Variants in SLC22A2 observed in about 807,000 individuals in gnomAD.
SLC22A2 encodes the protein solute carrier family 22 member 2, also known as organic cation transporter 2.
A neutral mutation model predicts 60.5 loss-of-function variants in SLC22A2; 46 were observed. The observed-to-expected ratio is 0.76, with a 90% CI of 0.60 to 0.97. SLC22A2 has a LOEUF of 0.97. Among genes scored for constraint, SLC22A2 ranks in the 50% least tolerant of loss-of-function variants. The probability of loss-of-function intolerance (pLI) is 0.00; values close to 1 mark genes in which losing one functional copy is unlikely to be tolerated. For synonymous variants in SLC22A2, 303 were observed against 267.0 expected (o/e 1.13, Z -1.31); for missense variants, 701 against 706.6 (o/e 0.99, Z 0.09).
At chr6:160,241,206 G>A (rs1782994963) in intron 9 of SLC22A2, among the ~76,000 whole-genome samples, 1 of 151,990 alleles carries the variant, frequency 6.6e-6, no homozygotes, top group Admixed American at 6.5e-5. Flanking sequence ...TGCCTCTATG[G>A]CAGGAGTCCC....
At chr6:160,235,662 A>C (rs1421173956) in intron 9 of SLC22A2, among the ~76,000 whole-genome samples, 1 of 151,378 alleles carries the variant, frequency 6.6e-6, no homozygotes, top group Non-Finnish European at 1.5e-5. Flanking sequence ...ATTGAACATT[A>C]GGATAAAAGC....
At chr6:160,231,978 G>A (rs1462146995) in intron 9 of SLC22A2, among the ~76,000 whole-genome samples, 1 of 152,066 alleles carries the variant, frequency 6.6e-6, no homozygotes, top group Admixed American at 6.5e-5. Flanking sequence ...TAGCCCTCAT[G>A]TCTGTGTGTG....
chr6:160,224,551 C>T (rs921907980), intron 10 of SLC22A2, among the ~76,000 whole-genome samples, 154 bp downstream of exon 10: 7 of 152,180 alleles, frequency 4.6e-5, no homozygotes, highest in African/African-American at 1.7e-4. Flanking sequence ...TGTAATTTTA[C>T]TAATTTTTTT....
At chr6:160,258,225 C>T (rs570087630) in intron 1 of SLC22A2, 119 bp downstream of exon 1, 6 of 1,150,726 alleles carry the variant, frequency 5.2e-6, no homozygotes, top group South Asian at 3.0e-5. Flanking sequence ...TTGTAAGATA[C>T]ATGCAGGCCA....
At chr6:160,227,365 G>A (rs1348750601) in intron 9 of SLC22A2, among the ~76,000 whole-genome samples, 1 of 152,170 alleles carries the variant, frequency 6.6e-6, no homozygotes, top group East Asian at 1.9e-4. Context: ...ACTCTTTCAA[G>A]CAATTGCCAA....
intron 6 of SLC22A2, 178 bp downstream of exon 6, chr6:160,245,261 C>T (rs1356332301): frequency 1.0e-5 from 5 of 483,800 alleles, no homozygotes; most frequent in Non-Finnish European, 1.1e-5. Flanking sequence ...GGGGCTACAC[C>T]GATCTTAATA....
chr6:160,222,492 C>T (rs1583388926), intron 10 of SLC22A2, among the ~76,000 whole-genome samples: 1 of 152,210 alleles, frequency 6.6e-6, no homozygotes, highest in East Asian at 1.9e-4. Context: ...GAAGGAACTT[C>T]AGCATTTATT....
chr6:160,250,755 A>G, intron 2 of SLC22A2, 53 bp from the exon 3 acceptor site: 1 of 1,554,334 alleles, frequency 6.4e-7, no homozygotes, highest in Non-Finnish European at 8.9e-7. Context: ...ATTTGTGAAG[A>G]TTGTGGAAAA....
In SLC22A2 at chr6:160,256,800, AG is replaced by A. The variant is rs564665888; in HGVS notation, c.415-84del. On this transcript the variant is annotated intron_variant, in intron 1 of 10. Coordinates refer to ENST00000366953, the MANE Select transcript of SLC22A2 (RefSeq NM_003058.4). The stretch of plus-strand genomic sequence containing the variant: ...GAATCCTGTTGGACATAACTCAGCT[AG>A]GGTACTCATTAAATATTCCTTGAAT... 9.8e-5 allele frequency: 87 copies of A among 888,890 alleles called. No homozygotes were observed. The African/African-American group carries it at 1.4e-3, about 14-fold the overall frequency. 55.1% of individuals were successfully genotyped at this position (888,890 alleles called of 1,614,324 possible). A position where few individuals can be genotyped will look rare whatever the true frequency, so the allele number is the denominator to read the frequency against.
At chr6:160,246,632 G>C (rs1257960032) in intron 5 of SLC22A2, among the ~76,000 whole-genome samples, 2 of 152,072 alleles carry the variant, frequency 1.3e-5, no homozygotes, top group Non-Finnish European at 2.9e-5. Context: ...CTGTAATTCT[G>C]GCTACTAGGG....
At chr6:160,231,683 A>G (rs773414925) in intron 9 of SLC22A2, among the ~76,000 whole-genome samples, 1 of 151,660 alleles carries the variant, frequency 6.6e-6, no homozygotes, top group Non-Finnish European at 1.5e-5. Context: ...GAGGTGCCAA[A>G]CCCATATACT....
intron 9 of SLC22A2, among the ~76,000 whole-genome samples, chr6:160,225,502 T>A (rs1782708927): frequency 6.6e-6 from 1 of 152,122 alleles, no homozygotes; most frequent in Admixed American, 6.6e-5. Flanking sequence ...TTTTACACCC[T>A]CAGAAAATGG....
chr6:160,227,961 C>A (rs2928036), intron 9 of SLC22A2, among the ~76,000 whole-genome samples: 1 of 151,836 alleles, frequency 6.6e-6, no homozygotes, highest in Non-Finnish European at 1.5e-5. Flanking sequence ...GGAAGTTACC[C>A]TATATGGTCA....
chr6:160,245,409 A>G (rs763071844), intron 6 of SLC22A2, 30 bp downstream of exon 6: 2 of 1,216,568 alleles, frequency 1.6e-6, no homozygotes, highest in East Asian at 4.9e-5. Context: ...AACAATTTGG[A>G]GGCATTTCAA....
chr6:160,250,923 G>A lies in SLC22A2; in HGVS notation c.519-221C>T, dbSNP rs74707754. On this transcript the variant is annotated intron_variant, in intron 2 of 10. Coordinates refer to ENST00000366953, the MANE Select transcript of SLC22A2 (RefSeq NM_003058.4). ...TATGTGTAAGTTTTCAGCATGATAA[G>A]CCCCATTCACCCCAGGGTTCAAGTA... 6.1e-3 allele frequency among the ~76,000 whole-genome samples: 927 copies of A among 152,236 alleles called. 3 individuals are homozygous for A. The highest frequency in any genetic ancestry group is 0.019 in the African/African-American group (805 of 41,522).
At chr6:160,250,751 G>A (rs1783171051) in intron 2 of SLC22A2, 49 bp from the exon 3 acceptor site, 1 of 1,573,160 alleles carries the variant, frequency 6.4e-7, no homozygotes. Flanking sequence ...TTTGATTTGT[G>A]AAGATTGTGG....
At chr6:160,256,188 C>T (rs1375689147) in intron 2 of SLC22A2, among the ~76,000 whole-genome samples, 1 of 151,866 alleles carries the variant, frequency 6.6e-6, no homozygotes, top group Non-Finnish European at 1.5e-5. Flanking sequence ...CTACATTGGG[C>T]CTGGTGCTGG....
rs539203137 is a variant in SLC22A2, at chr6:160,229,802, T to C, written c.1502-4998A>G. ...TCTTCAACTCTCAGCTGACCTAAAA[T>C]CTAAGCATCTTATTTTCTTCTGCAA... On this transcript the variant is annotated intron_variant, in intron 9 of 10. Transcript: ENST00000366953. Among the ~76,000 whole-genome samples, 30 of 151,960 alleles carry C rather than the reference T, an allele frequency of 2.0e-4. No homozygotes were observed. In the South Asian group the frequency reaches 3.5e-3, roughly 18 times the overall value.
intron 10 of SLC22A2, among the ~76,000 whole-genome samples, chr6:160,218,939 G>GAAA (rs1562428600): frequency 0.014 from 14 of 992 alleles, no homozygotes; most frequent in South Asian, 0.029. Context: ...AGAAGTAGCA[G>GAAA]TAGTAATAGC....
Sources: allele counts gnomAD v4.1 joint callset (sites outside exome capture counted in the v4.1 genomes callset), GRCh38; gene constraint gnomAD v4.1.1; transcripts MANE v1.5; gene names NCBI Gene and HGNC (gene_info 2026-07-23, HGNC 2026-07-21).